CACNB2: variants seen among roughly 807,000 people sequenced by gnomAD.
CACNB2 encodes the protein voltage-dependent L-type calcium channel subunit beta-2.
A neutral mutation model predicts 73.3 loss-of-function variants in CACNB2; 42 were observed. The observed-to-expected ratio is 0.57, with a 90% CI of 0.45 to 0.74. CACNB2 has a LOEUF of 0.74. Among genes scored for constraint, CACNB2 ranks in the 30% least tolerant of loss-of-function variants. The probability of loss-of-function intolerance (pLI) is 0.00; values close to 1 mark genes in which losing one functional copy is unlikely to be tolerated. For synonymous variants in CACNB2, 348 were observed against 310.3 expected (o/e 1.12, Z -1.28); for missense variants, 940 against 853.0 (o/e 1.10, Z -1.27).
chr10:18,228,101 G>C lies in CACNB2; in HGVS notation c.213+77126G>C, dbSNP rs2036070148. Among the ~76,000 whole-genome samples, 8 of 152,238 alleles carry C rather than the reference G, an allele frequency of 5.3e-5. No homozygotes were observed. The South Asian group carries it at 1.7e-3, about 32-fold the overall frequency. On this transcript the variant is annotated intron_variant, in intron 2 of 13. Coordinates refer to ENST00000324631, the MANE Select transcript of CACNB2 (RefSeq NM_201596.3). ...ATGAAAACCTCACCCTCAAAAGGTT[G>C]GGTTAGTTGATGGTTCATTTGGGGG...
chr10:18,380,005 T>G (rs1224796267), intron 2 of CACNB2, among the ~76,000 whole-genome samples: 1 of 152,186 alleles, frequency 6.6e-6, no homozygotes, highest in Non-Finnish European at 1.5e-5. Context: ...TACCTTCTGT[T>G]TCTATGAATT....
chr10:18,286,705 A>G (rs975591533), intron 2 of CACNB2, among the ~76,000 whole-genome samples: 1 of 152,286 alleles, frequency 6.6e-6, no homozygotes, highest in East Asian at 1.9e-4. Flanking sequence ...AGATGGACTT[A>G]AGATTGTGAT....
chr10:18,211,449 A>T (rs1051043048), intron 2 of CACNB2, among the ~76,000 whole-genome samples: 2 of 152,252 alleles, frequency 1.3e-5, no homozygotes, highest in Admixed American at 1.3e-4. Flanking sequence ...AAAGCATTAC[A>T]TACCTATCAC....
At chr10:18,296,635 T>C (rs1383853122) in intron 2 of CACNB2, among the ~76,000 whole-genome samples, 1 of 152,162 alleles carries the variant, frequency 6.6e-6, no homozygotes, top group Admixed American at 6.6e-5. Context: ...ACCGATTATA[T>C]TTAATATTCA....
rs546103288 is a variant in CACNB2 at position 18,506,062 on chromosome 10, A to C, written c.594-409A>C. On this transcript the variant is annotated intron_variant, in intron 5 of 13. Coordinates refer to ENST00000324631, the MANE Select transcript of CACNB2 (RefSeq NM_201596.3). ...GTGTACTATTAATAAAATAAGCCTA[A>C]AACAGAGGAGCTGAAACCAAACAAG... is the stretch of plus-strand genomic sequence containing the variant. 2.0e-5 allele frequency among the ~76,000 whole-genome samples: 3 copies of C among 152,330 alleles called. No individual in the cohort carries two copies. In the East Asian group the frequency reaches 5.8e-4, roughly 29 times the overall value.
intron 2 of CACNB2, among the ~76,000 whole-genome samples, chr10:18,273,974 C>A (rs182701992): frequency 6.6e-6 from 1 of 152,086 alleles, no homozygotes; most frequent in Non-Finnish European, 1.5e-5. Context: ...CAGGTCTGAA[C>A]AAACACTGTT....
At chr10:18,404,912 T>G (rs2044202079) in intron 3 of CACNB2, among the ~76,000 whole-genome samples, 1 of 152,224 alleles carries the variant, frequency 6.6e-6, no homozygotes, top group African/African-American at 2.4e-5. Flanking sequence ...GATGTTAATT[T>G]TGAGGCCAAT....
chr10:18,380,999 C>T (rs1188912033), intron 2 of CACNB2, among the ~76,000 whole-genome samples: 1 of 151,678 alleles, frequency 6.6e-6, no homozygotes, highest in Non-Finnish European at 1.5e-5. Flanking sequence ...TGGTGGGCTG[C>T]CTTGCTTTGA....
intron 3 of CACNB2, among the ~76,000 whole-genome samples, chr10:18,472,668 G>A (rs1053002012): frequency 6.6e-6 from 1 of 152,048 alleles, no homozygotes; most frequent in Non-Finnish European, 1.5e-5. Flanking sequence ...TTTAAATTTA[G>A]GTCTGTTTTA....
chr10:18,256,075 T>C (rs894397253), intron 2 of CACNB2, among the ~76,000 whole-genome samples: 1 of 152,198 alleles, frequency 6.6e-6, no homozygotes, highest in Admixed American at 6.5e-5. Context: ...AACATATATC[T>C]TCCATCGATA....
intron 3 of CACNB2, among the ~76,000 whole-genome samples, chr10:18,498,050 G>GT (rs1564619549): frequency 6.6e-6 from 1 of 152,094 alleles, no homozygotes; most frequent in East Asian, 1.9e-4. Flanking sequence ...CTGATTTACA[G>GT]TTGCTACAAG....
At chr10:18,448,497 A>AAAAAAAG (rs1554821520) in intron 3 of CACNB2, among the ~76,000 whole-genome samples, 6 of 141,470 alleles carry the variant, frequency 4.2e-5, no homozygotes, top group Admixed American at 2.2e-4. Context: ...AAAAAAAAAA[A>AAAAAAAG]AAAAGAAAAG....
In CACNB2 at chr10:18,424,474, G is replaced by A. The variant is rs373875480; in HGVS notation, c.333+22431G>A. Among the ~76,000 whole-genome samples the A allele has an allele frequency of 6.2e-4, 94 of 152,272 alleles. 1 individual carries two copies. The highest frequency in any genetic ancestry group is 2.0e-3 in the African/African-American group (85 of 41,554). On this transcript the variant is annotated intron_variant, in intron 3 of 13. Transcript: ENST00000324631. ...TGCCATGGCAATGGTAAATTGACATGGCACACTGGTGGGCGTGTCTGATTG... is the reference window on the plus strand; with the variant it reads ...TGCCATGGCAATGGTAAATTGACATAGCACACTGGTGGGCGTGTCTGATTG...
chr10:18,220,236 G>T (rs11013058), intron 2 of CACNB2, among the ~76,000 whole-genome samples: 2,009 of 45,236 alleles, frequency 0.044, 13 homozygotes, highest in East Asian at 0.059. Flanking sequence ...TATATATAGA[G>T]AGAGAGAGAG....
chr10:18,272,859 G>C (rs1564394779), intron 2 of CACNB2, among the ~76,000 whole-genome samples: 1 of 152,086 alleles, frequency 6.6e-6, no homozygotes, highest in African/African-American at 2.4e-5. Flanking sequence ...CATTAGAATG[G>C]ACTAATACAG....
intron 3 of CACNB2, among the ~76,000 whole-genome samples, chr10:18,474,200 C>T (rs992456216): frequency 5.9e-5 from 9 of 152,024 alleles, no homozygotes; most frequent in African/African-American, 1.9e-4. Context: ...CCGCAGCTGG[C>T]GGGAGAATAA....
intron 2 of CACNB2, among the ~76,000 whole-genome samples, chr10:18,220,148 TATATATACAC>T (rs1482753763): frequency 1.6e-4 from 5 of 31,030 alleles, no homozygotes; most frequent in African/African-American, 7.8e-4. Flanking sequence ...TATATATATA[TATATATACAC>T]ACACACACAC....
chr10:18,481,219 TA>T (rs2048734391), intron 3 of CACNB2, among the ~76,000 whole-genome samples: 4 of 13,692 alleles, frequency 2.9e-4, no homozygotes, highest in Admixed American at 9.7e-4. Flanking sequence ...TATATATATA[TA>T]TATATATATA....
intron 2 of CACNB2, among the ~76,000 whole-genome samples, chr10:18,317,563 T>C (rs2040239173): frequency 2.0e-5 from 3 of 152,208 alleles, no homozygotes; most frequent in Admixed American, 2.0e-4. Flanking sequence ...AAGGACATGA[T>C]TTTATTCTTT....
Sources: gnomAD v4.1 joint callset for allele counts (sites outside exome capture counted in the v4.1 genomes callset) on GRCh38, gnomAD v4.1.1 for gene constraint, MANE v1.5 for transcripts, NCBI Gene and HGNC (gene_info 2026-07-23, HGNC 2026-07-21) for gene names.